Variants in TRPS1 observed in about 807,000 individuals in gnomAD.
The protein encoded by TRPS1 is transcriptional repressor GATA binding 1.
TRPS1 carries 6 observed loss-of-function variants against 101.2 expected under a neutral mutation model. The ratio of observed to expected loss-of-function variants is 0.06; its 90% confidence interval spans 0.03 to 0.12. The LOEUF (loss-of-function observed/expected upper bound fraction) is 0.12, where lower values mean the gene tolerates loss of function less well. Among genes scored for constraint, TRPS1 ranks in the 10% least tolerant of loss-of-function variants. The pLI, the probability that TRPS1 is intolerant of heterozygous loss-of-function variation, is 1.00. For missense variants in TRPS1, 1,363 were observed against 1,567.0 expected, an observed-to-expected ratio of 0.87 and a Z score of 2.20; for synonymous variants, 578 against 589.8, an observed-to-expected ratio of 0.98 and a Z score of 0.29.
At chr8:115,442,458 G>T (rs966116531) in intron 5 of TRPS1, among the ~76,000 whole-genome samples, 1 of 150,714 alleles carries the variant, frequency 6.6e-6, no homozygotes, top group Non-Finnish European at 1.5e-5. Flanking sequence ...TAAATAGGGG[G>T]CTGCACTAAT....
chr8:115,638,677 T>C (rs184063904), intron 1 of TRPS1, among the ~76,000 whole-genome samples: 2 of 152,248 alleles, frequency 1.3e-5, no homozygotes, highest in African/African-American at 2.4e-5. Context: ...AAGACACAGA[T>C]TCAAAGGATT....
intron 5 of TRPS1, among the ~76,000 whole-genome samples, chr8:115,482,171 A>C (rs1445094717): frequency 6.6e-6 from 1 of 152,186 alleles, no homozygotes; most frequent in Non-Finnish European, 1.5e-5. Context: ...TTGCTCTTTG[A>C]ATAATATCTT....
At chr8:115,531,739 A>C (rs978363251) in intron 5 of TRPS1, among the ~76,000 whole-genome samples, 10 of 152,268 alleles carry the variant, frequency 6.6e-5, no homozygotes, top group African/African-American at 2.4e-4. Context: ...AGGGTTAAAA[A>C]AAACAAAGTG....
intron 5 of TRPS1, among the ~76,000 whole-genome samples, chr8:115,447,132 G>A (rs1192598341): frequency 1.3e-5 from 2 of 152,134 alleles, no homozygotes; most frequent in Non-Finnish European, 2.9e-5. Flanking sequence ...ACATGCTCAA[G>A]TTTGAGAGTC....
chr8:115,444,364 A>T (rs1237707898), intron 5 of TRPS1, among the ~76,000 whole-genome samples: 1 of 152,150 alleles, frequency 6.6e-6, no homozygotes, highest in Non-Finnish European at 1.5e-5. Flanking sequence ...TGGTACATAC[A>T]ATAGAACAGG....
Position 115,409,280 on chromosome 8 carries a change from A to AAAAAAC in TRPS1, c.*4742_*4743insGTTTTT, listed in dbSNP as rs1331147750. On this transcript the variant is annotated 3_prime_UTR_variant, in exon 7 of 7. Transcript: ENST00000395715. ...TGTTGGGAAAAAAAAAAAAAAAAAA[A>AAAAAAC]ACAGGGGAAAACCAGAATTGAGTTT... The AAAAAAC allele has an allele frequency of 6.7e-6, 1 of 149,348 alleles. No homozygotes were observed. The highest frequency in any genetic ancestry group is 2.5e-5 in the African/African-American group (1 of 40,260). 9.3% of individuals were successfully genotyped at this position (149,348 alleles called of 1,614,324 possible).
chr8:115,450,367 T>G (rs568240392), intron 5 of TRPS1, among the ~76,000 whole-genome samples: 1 of 152,162 alleles, frequency 6.6e-6, no homozygotes. Context: ...TCACCGACCA[T>G]CTTAAATGCT....
chr8:115,465,651 G>A (rs1163040295), intron 5 of TRPS1, among the ~76,000 whole-genome samples: 1 of 152,094 alleles, frequency 6.6e-6, no homozygotes, highest in Non-Finnish European at 1.5e-5. Context: ...AGAAGGAACT[G>A]AATCACTGCA....
intron 5 of TRPS1, among the ~76,000 whole-genome samples, chr8:115,533,438 T>TTTTTTTTTTTTTG (rs1816191095): frequency 8.4e-6 from 1 of 118,466 alleles, no homozygotes; most frequent in African/African-American, 3.9e-5. Flanking sequence ...TGTAATCTGT[T>TTTTTTTTTTTTTG]TTTTTTTTTT....
chr8:115,640,593 G>A (rs1308038484), intron 1 of TRPS1, among the ~76,000 whole-genome samples: 1 of 152,148 alleles, frequency 6.6e-6, no homozygotes, highest in African/African-American at 2.4e-5. Context: ...TAAAACAGCA[G>A]GTCTTTGGGA....
intron 5 of TRPS1, among the ~76,000 whole-genome samples, chr8:115,422,970 A>T (rs1221825164): frequency 2.0e-5 from 3 of 152,190 alleles, no homozygotes; most frequent in African/African-American, 7.2e-5. Flanking sequence ...AGGGGCATAT[A>T]TAGCACAAAA....
chr8:115,495,615 T>G (rs1028555337), intron 5 of TRPS1, among the ~76,000 whole-genome samples: 10 of 151,794 alleles, frequency 6.6e-5, no homozygotes, highest in Admixed American at 3.3e-4. Context: ...TTATTTACAC[T>G]AGAGGGTGAC....
chr8:115,588,342 T>A (rs947041322), intron 4 of TRPS1, among the ~76,000 whole-genome samples: 2 of 152,228 alleles, frequency 1.3e-5, no homozygotes, highest in Non-Finnish European at 2.9e-5. Context: ...ATGATTTTTC[T>A]CTAAACAAAT....
At chr8:115,598,062 A>C (rs760749436) in intron 4 of TRPS1, among the ~76,000 whole-genome samples, 1 of 152,318 alleles carries the variant, frequency 6.6e-6, no homozygotes, top group Admixed American at 6.5e-5. Flanking sequence ...TTTACTTTAA[A>C]ATGTCTACAT....
At chr8:115,429,674 C>G in intron 5 of TRPS1, among the ~76,000 whole-genome samples, 1 of 152,126 alleles carries the variant, frequency 6.6e-6, no homozygotes, top group East Asian at 1.9e-4. Context: ...CAACTTGAGA[C>G]ACAAAACTCC....
chr8:115,521,147 T>C (rs1563571593), intron 5 of TRPS1, among the ~76,000 whole-genome samples: 1 of 10,944 alleles, frequency 9.1e-5, no homozygotes, highest in Non-Finnish European at 1.6e-4. Context: ...CAACTCTATG[T>C]TTGTGTTACT....
Position 115,604,643 on chromosome 8 carries a change from C to T in TRPS1, c.1326G>A (p.Glu442=). The change falls in exon 4 of 7, where the codon GAG becomes GAA. Residue 442 remains glutamate, a synonymous_variant. Coordinates refer to ENST00000395715, the MANE Select transcript of TRPS1 (RefSeq NM_014112.5). This position sits in a 1 kb window ranked among gnomAD's most constrained non-coding sequence, Gnocchi z 4.1. ...ATTTACACCAGTAGTAACTGGTGGCCTCTGTACCATTTTGTCTAGAGGAAT... is the reference window on the plus strand; with the variant it reads ...ATTTACACCAGTAGTAACTGGTGGCTTCTGTACCATTTTGTCTAGAGGAAT... The part of the protein sequence containing the change: ...PLDSSRQNGT[E]ATSYYWCKFC... The T allele has an allele frequency of 6.2e-7, 1 of 1,614,002 alleles. No individual in the cohort carries two copies. The highest frequency in any genetic ancestry group is 2.2e-5 in the East Asian group (1 of 44,858).
rs1404502082 is a variant in TRPS1, at chr8:115,411,146, TAAA to T, written c.*2874_*2876del. The T allele has an allele frequency of 6.6e-6, 1 of 152,094 alleles. No homozygotes were observed. The highest frequency in any genetic ancestry group is 1.5e-5 in the Non-Finnish European group (1 of 67,902). 9.4% of individuals were successfully genotyped at this position (152,094 alleles called of 1,614,324 possible). A position where few individuals can be genotyped will look rare whatever the true frequency, so the allele number is the denominator to read the frequency against. On this transcript the variant is annotated 3_prime_UTR_variant, in exon 7 of 7. Coordinates refer to ENST00000395715, the MANE Select transcript of TRPS1 (RefSeq NM_014112.5). Reference sequence around the variant, plus strand: ...AAAATGAAAATAAAATTATCAATAATAAAGAAGTATGGAATAAGATCTATCGTG... The same window carrying T: ...AAAATGAAAATAAAATTATCAATAATGAAGTATGGAATAAGATCTATCGTG...
chr8:115,458,228 T>C (rs561105099), intron 5 of TRPS1, among the ~76,000 whole-genome samples: 1 of 152,308 alleles, frequency 6.6e-6, no homozygotes, highest in African/African-American at 2.4e-5. Flanking sequence ...AGATTGTTTA[T>C]GGTGTTCCCA....
Sources: allele counts gnomAD v4.1 joint callset (sites outside exome capture counted in the v4.1 genomes callset), GRCh38; gene constraint gnomAD v4.1.1; non-coding constraint Gnocchi (gnomAD v3.1); transcripts MANE v1.5; gene names NCBI Gene and HGNC (gene_info 2026-07-23, HGNC 2026-07-21).